Variants in NGLY1 observed in about 807,000 individuals in gnomAD.
The protein encoded by NGLY1 is peptide-N(4)-(N-acetyl-beta-glucosaminyl)asparagine amidase.
Under a neutral mutation model 84.6 loss-of-function variants are expected in NGLY1, and 68 were observed. That is an observed-to-expected ratio of 0.80 (90% CI 0.66 to 0.98). The LOEUF is 0.98. Among genes scored for constraint, NGLY1 ranks in the 50% least tolerant of loss-of-function variants. The pLI is 0.00. For synonymous variants in NGLY1, 280 were observed against 275.2 expected (o/e 1.02, Z -0.17); for missense variants, 779 against 770.2 (o/e 1.01, Z -0.14).
chr3:25,741,106 T>C (rs1468398648), intron 4 of NGLY1, among the ~76,000 whole-genome samples: 4 of 139,514 alleles, frequency 2.9e-5, no homozygotes, highest in Admixed American at 2.3e-4. Context: ...CCAGCCTGAG[T>C]GACAGAGCGA....
rs1252886120 is a variant in NGLY1, at chr3:25,739,563, T to C, written c.881+14A>G. ...TTAAGAGATTATTCTGATTTTACCA[T>C]CCAGGGCACCCACCTTGGGAATCGA... is the stretch of plus-strand genomic sequence containing the variant. On this transcript the variant is annotated intron_variant, in intron 5 of 11. Transcript: ENST00000280700. 6.8e-6 allele frequency: 11 copies of C among 1,612,428 alleles called. No homozygotes were observed. The highest frequency in any genetic ancestry group is 9.3e-6 in the Non-Finnish European group (11 of 1,178,750).
chr3:25,745,718 TTTTAA>T (rs1299337320), intron 4 of NGLY1, among the ~76,000 whole-genome samples: 1 of 152,200 alleles, frequency 6.6e-6, no homozygotes, highest in Admixed American at 6.5e-5. Context: ...TACTATTGTG[TTTTAA>T]TTTTTCTCTC....
intron 2 of NGLY1, among the ~76,000 whole-genome samples, chr3:25,774,753 C>G (rs1708076213): frequency 6.6e-6 from 1 of 152,120 alleles, no homozygotes; most frequent in African/African-American, 2.4e-5. Flanking sequence ...GGCTTCACCC[C>G]TCTCCGTCTG....
intron 3 of NGLY1, among the ~76,000 whole-genome samples, chr3:25,760,935 CTAGACT>C (rs1707295082): frequency 7.7e-6 from 1 of 130,668 alleles, no homozygotes; most frequent in Non-Finnish European, 1.6e-5. Flanking sequence ...GCACACAGAT[CTAGACT>C]AAGACTAAGA....
chr3:25,742,579 C>A (rs1189237391), intron 4 of NGLY1, among the ~76,000 whole-genome samples: 1 of 152,104 alleles, frequency 6.6e-6, no homozygotes, highest in East Asian at 1.9e-4. Flanking sequence ...AATATGAAAG[C>A]TTTCCAACAG....
intron 2 of NGLY1, among the ~76,000 whole-genome samples, chr3:25,776,587 T>C (rs1708165352): frequency 6.6e-6 from 1 of 152,166 alleles, no homozygotes; most frequent in Non-Finnish European, 1.5e-5. Context: ...TACTTGAATA[T>C]TTAACAGCAA....
chr3:25,734,408 T>A (rs892415286), intron 7 of NGLY1: 8 of 152,012 alleles, frequency 5.3e-5, no homozygotes. Context: ...TGTTTAAAAT[T>A]TAAAAGTCAT....
In NGLY1 at chr3:25,774,660, T is replaced by C. The variant is rs1708069980; in HGVS notation, c.246+3914A>G. On this transcript the variant is annotated intron_variant, in intron 2 of 11. Transcript: ENST00000280700. The stretch of plus-strand genomic sequence containing the variant: ...ACCATGCTCCACCAATAGCACCATG[T>C]TTATATCCAGGCAGTGTACGCAGGG... Among the ~76,000 whole-genome samples the C allele has an allele frequency of 2.6e-5, 4 of 152,276 alleles. No individual in the cohort carries two copies. In the South Asian group the frequency reaches 8.3e-4, roughly 32 times the overall value.
intron 1 of NGLY1, chr3:25,789,774 C>A (rs1708681660): frequency 5.0e-6 from 7 of 1,404,776 alleles, no homozygotes; most frequent in Non-Finnish European, 5.9e-6. Flanking sequence ...CAGTAGAATA[C>A]GATGGTGTCC....
chr3:25,735,035 A>C (rs760204500), intron 7 of NGLY1: 23 of 214,490 alleles, frequency 1.1e-4, no homozygotes, highest in Non-Finnish European at 1.8e-4. Context: ...TATGTAAAAA[A>C]AAACTTCATA....
intron 2 of NGLY1, among the ~76,000 whole-genome samples, chr3:25,772,637 T>C (rs185731145): frequency 6.6e-6 from 1 of 152,348 alleles, no homozygotes; most frequent in East Asian, 1.9e-4. Flanking sequence ...TCAATGTTAG[T>C]ACTGAGATGT....
intron 4 of NGLY1, among the ~76,000 whole-genome samples, chr3:25,746,216 G>A (rs1706420750): frequency 6.6e-6 from 1 of 151,884 alleles, no homozygotes; most frequent in South Asian, 2.1e-4. Flanking sequence ...CTCTATGCAT[G>A]TTGATCACTA....
Position 25,754,788 on chromosome 3 carries a change from CTTTT to C in NGLY1, c.493-3529_493-3526del, listed in dbSNP as rs5847371. On this transcript the variant is annotated intron_variant, in intron 3 of 11. Coordinates refer to ENST00000280700, the MANE Select transcript of NGLY1 (RefSeq NM_018297.4). ...AAGAACACATTAGAGATGACTCGTG[CTTTT>C]TTTTTTTTTTTTTGATACGAGCAAC... is the stretch of plus-strand genomic sequence containing the variant. The C allele has an allele frequency of 1.5e-3, 407 of 274,504 alleles. 1 individual carries two copies. Among genetic ancestry groups the C allele is most frequent in the South Asian group, 2.3e-3 (50 of 21,404 alleles). 17.0% of individuals were successfully genotyped at this position (274,504 alleles called of 1,614,324 possible). A position where few individuals can be genotyped will look rare whatever the true frequency, so the allele number is the denominator to read the frequency against.
At chr3:25,786,322 C>CA (rs1351398769), upstream of NGLY1, among the ~76,000 whole-genome samples, 407 of 114,854 alleles carry the variant, frequency 3.5e-3, 1 homozygote, top group Admixed American at 0.01. Flanking sequence ...GACTCTACCT[C>CA]AAAAAAAAAA....
upstream of NGLY1, chr3:25,783,506 G>C (rs1399623256): frequency 9.0e-7 from 1 of 1,111,476 alleles, no homozygotes; most frequent in Non-Finnish European, 1.1e-6. The surrounding 1 kb of genome is among the most constrained non-coding windows in gnomAD (Gnocchi z 4.5). Flanking sequence ...TCCTCGGCCG[G>C]CAGGGGCGGG....
intron 3 of NGLY1, among the ~76,000 whole-genome samples, chr3:25,762,109 T>A (rs1007257155): frequency 6.6e-6 from 1 of 152,150 alleles, no homozygotes; most frequent in Admixed American, 6.5e-5. Flanking sequence ...TCAGTGACTA[T>A]CATCTTAACT....
In NGLY1 at chr3:25,749,763, A is replaced by G. The variant is rs972965738; in HGVS notation, c.658+1335T>C. 8.9e-6 allele frequency: 13 copies of G among 1,454,792 alleles called. No homozygotes were observed. The African/African-American group carries it at 1.4e-4, about 16-fold the overall frequency. The allele number at this position is 1,454,792 out of a possible 1,614,324, so 90.1% of individuals were successfully genotyped here. ...GAGCTTGAAGTGCTGCTGATGTGCA[A>G]CAAAACTTACTGTGCTGAGATTGCT... On this transcript the variant is annotated intron_variant, in intron 4 of 11. Transcript: ENST00000280700.
chr3:25,721,365 T>C (rs1704979686), intron 10 of NGLY1, among the ~76,000 whole-genome samples: 1 of 152,142 alleles, frequency 6.6e-6, no homozygotes, highest in Admixed American at 6.5e-5. Context: ...GATTAATGTT[T>C]TAAAATCCCA....
intron 4 of NGLY1, among the ~76,000 whole-genome samples, chr3:25,750,369 T>A (rs1706672358): frequency 1.3e-5 from 2 of 152,120 alleles, no homozygotes; most frequent in African/African-American, 4.8e-5. Flanking sequence ...AACCCTGAGG[T>A]TCATTATGCT....
Sources: allele counts gnomAD v4.1 joint callset (sites outside exome capture counted in the v4.1 genomes callset), GRCh38; gene constraint gnomAD v4.1.1; non-coding constraint Gnocchi (gnomAD v3.1); transcripts MANE v1.5; gene names NCBI Gene and HGNC (gene_info 2026-07-23, HGNC 2026-07-21).